Variants in MAGI2 observed in about 807,000 individuals in gnomAD.
MAGI2 encodes membrane associated guanylate kinase, WW and PDZ domain containing 2.
Under a neutral mutation model 133.3 loss-of-function variants are expected in MAGI2, and 35 were observed. That is an observed-to-expected ratio of 0.26 (90% CI 0.20 to 0.35). The LOEUF is 0.35. Ranked by LOEUF, MAGI2 falls within the 10% of genes least tolerant of loss-of-function variation. The pLI is 1.00. For synonymous variants in MAGI2, 729 were observed against 710.6 expected, an observed-to-expected ratio of 1.03 and a Z score of -0.41; for missense variants, 1,636 against 1,863.4, an observed-to-expected ratio of 0.88 and a Z score of 2.25.
At chr7:78,471,164 A>G (rs1791166605) in intron 6 of MAGI2, among the ~76,000 whole-genome samples, 1 of 152,186 alleles carries the variant, frequency 6.6e-6, no homozygotes, top group Admixed American at 6.5e-5. Flanking sequence ...AAGACCATAC[A>G]TAGGATGATA....
intron 1 of MAGI2, among the ~76,000 whole-genome samples, chr7:79,324,628 ATT>A (rs1839497400): frequency 1.7e-5 from 1 of 60,316 alleles, no homozygotes; most frequent in African/African-American, 7.1e-5. Context: ...TAATATATAT[ATT>A]ATATATATAT....
intron 1 of MAGI2, among the ~76,000 whole-genome samples, chr7:79,244,444 C>T (rs1433243846): frequency 6.6e-6 from 1 of 152,148 alleles, no homozygotes; most frequent in Non-Finnish European, 1.5e-5. Flanking sequence ...GTCTGTGCAA[C>T]TGGGGGAGGG....
chr7:78,119,142 C>G (rs1479914421), intron 20 of MAGI2, among the ~76,000 whole-genome samples: 1 of 152,010 alleles, frequency 6.6e-6, no homozygotes, highest in African/African-American at 2.4e-5. Context: ...TCAGTGGTTG[C>G]CAGGGGTTAG....
chr7:79,247,491 T>C lies in MAGI2; in HGVS notation c.301+205529A>G, dbSNP rs796509818. ...CGCCATGCATGGTGGCACGTACCTGTGGTCCCAGCTGCTTGGGAGACAAGG... is the reference window on the plus strand; with the variant it reads ...CGCCATGCATGGTGGCACGTACCTGCGGTCCCAGCTGCTTGGGAGACAAGG... On this transcript the variant is annotated intron_variant, in intron 1 of 21. Transcript: ENST00000354212. 2.2e-4 allele frequency among the ~76,000 whole-genome samples: 34 copies of C among 152,160 alleles called. 1 individual carries two copies. Among genetic ancestry groups the C allele is most frequent in the African/African-American group, 8.2e-4 (34 of 41,530 alleles).
chr7:78,113,127 TGGGAGGGGGA>T (rs1563137571), intron 20 of MAGI2, among the ~76,000 whole-genome samples: 1 of 146,558 alleles, frequency 6.8e-6, no homozygotes, highest in African/African-American at 2.6e-5. Flanking sequence ...TGAGATGAGC[TGGGAGGGGGA>T]CTGGGGATAG....
chr7:79,019,559 T>G (rs1374088185), intron 1 of MAGI2, among the ~76,000 whole-genome samples: 13 of 152,096 alleles, frequency 8.5e-5, no homozygotes, highest in Admixed American at 8.5e-4. Flanking sequence ...TTCTTTCTTT[T>G]TTTTTGAGAT....
At chr7:78,693,631 C>T (rs1490499868) in intron 2 of MAGI2, among the ~76,000 whole-genome samples, 1 of 152,188 alleles carries the variant, frequency 6.6e-6, no homozygotes, top group Non-Finnish European at 1.5e-5. Flanking sequence ...ATTAACTCTT[C>T]TTTGGGTAGA....
intron 1 of MAGI2, among the ~76,000 whole-genome samples, chr7:79,442,802 G>A (rs116220221): frequency 0.011 from 1,722 of 152,150 alleles, 22 homozygotes; most frequent in African/African-American, 0.04. Context: ...TAAGATTACC[G>A]TTATCTATGT....
At chr7:78,586,735 T>G (rs894239156) in intron 3 of MAGI2, among the ~76,000 whole-genome samples, 5 of 152,188 alleles carry the variant, frequency 3.3e-5, no homozygotes, top group Admixed American at 6.5e-5. Flanking sequence ...CTCTCCATTC[T>G]TCTCTCCCTG....
chr7:78,861,930 A>T (rs898573014), intron 2 of MAGI2, among the ~76,000 whole-genome samples: 2 of 152,190 alleles, frequency 1.3e-5, no homozygotes, highest in African/African-American at 4.8e-5. Flanking sequence ...CAATCAACAG[A>T]AGTGTGGAGC....
chr7:78,962,348 A>G (rs1431351660), intron 2 of MAGI2, among the ~76,000 whole-genome samples: 3 of 152,090 alleles, frequency 2.0e-5, no homozygotes, highest in Admixed American at 2.0e-4. Flanking sequence ...TCTCAAATGG[A>G]AAAAGGCTGA....
At chr7:78,243,814 T>C (rs1470167914) in intron 10 of MAGI2, among the ~76,000 whole-genome samples, 4 of 152,024 alleles carry the variant, frequency 2.6e-5, no homozygotes, top group African/African-American at 9.7e-5. Flanking sequence ...AATATAAATA[T>C]GAATAAAATA....
At chr7:78,166,924 T>G (rs1277445064) in intron 15 of MAGI2, among the ~76,000 whole-genome samples, 2 of 152,150 alleles carry the variant, frequency 1.3e-5, no homozygotes, top group Non-Finnish European at 2.9e-5. Flanking sequence ...ACAGACTCAC[T>G]GTGGACTGCT....
chr7:78,151,690 G>T (rs1339267936), intron 16 of MAGI2, among the ~76,000 whole-genome samples: 3 of 152,144 alleles, frequency 2.0e-5, no homozygotes, highest in Non-Finnish European at 4.4e-5. Context: ...CTGGGACATT[G>T]CTCCGGTTCT....
chr7:78,148,814 TAAAGAAGG>T (rs2150575915), intron 16 of MAGI2, among the ~76,000 whole-genome samples: 1 of 152,122 alleles, frequency 6.6e-6, no homozygotes, highest in South Asian at 2.1e-4. Flanking sequence ...GGCCCTGGAA[TAAAGAAGG>T]AAAGCCAGGT....
At chr7:78,621,922 T>C (rs553924718) in intron 3 of MAGI2, among the ~76,000 whole-genome samples, 1 of 152,106 alleles carries the variant, frequency 6.6e-6, no homozygotes, top group East Asian at 1.9e-4. Flanking sequence ...CTCATGACTA[T>C]TTTTCGGATG....
chr7:79,171,757 TATA>T (rs1222712159), intron 1 of MAGI2, among the ~76,000 whole-genome samples: 2 of 33,754 alleles, frequency 5.9e-5, no homozygotes, highest in Non-Finnish European at 1.8e-4. Flanking sequence ...TATATATATA[TATA>T]TATATATATA....
At chr7:78,521,306 T>C in intron 4 of MAGI2, 124 bp downstream of exon 4, 1 of 568,480 alleles carries the variant, frequency 1.8e-6, no homozygotes, top group Non-Finnish European at 3.1e-6. Context: ...ATGTAAGAAA[T>C]ATATATGTAT....
intron 10 of MAGI2, among the ~76,000 whole-genome samples, chr7:78,207,613 A>G (rs539406778): frequency 6.6e-6 from 1 of 152,244 alleles, no homozygotes; most frequent in South Asian, 2.1e-4. Context: ...TGTATTCCTT[A>G]TTAAAATTCA....
Sources: allele counts gnomAD v4.1 joint callset (sites outside exome capture counted in the v4.1 genomes callset), GRCh38; gene constraint gnomAD v4.1.1; transcripts MANE v1.5; gene names NCBI Gene and HGNC (gene_info 2026-07-23, HGNC 2026-07-21).